The following CACNA1I variants were observed in gnomAD, a reference collection of about 807,000 sequenced individuals.
CACNA1I encodes the protein voltage-dependent T-type calcium channel subunit alpha-1I.
Under a neutral mutation model 201.6 loss-of-function variants are expected in CACNA1I, and 74 were observed. The ratio of observed to expected loss-of-function variants is 0.37; its 90% confidence interval spans 0.30 to 0.45. The LOEUF (loss-of-function observed/expected upper bound fraction) is 0.45, where lower values mean the gene tolerates loss of function less well. CACNA1I is among the 20% of genes least tolerant of loss of function. CACNA1I has a pLI of 1.00. For missense variants in CACNA1I, 2,346 were observed against 3,138.1 expected, an observed-to-expected ratio of 0.75 and a Z score of 6.03; for synonymous variants, 1,431 against 1,345.2, an observed-to-expected ratio of 1.06 and a Z score of -1.40.
At position 39,670,005 on chromosome 22, in the gene CACNA1I, C is replaced by T. The variant is rs754153883; in HGVS notation, c.4195-33C>T. On this transcript the variant is annotated intron_variant, in intron 24 of 36. Coordinates refer to ENST00000402142, the MANE Select transcript of CACNA1I (RefSeq NM_021096.4). ...TCCCCATGGCCCTGTAGGGCCCAATCAGCCTCCTCAGCCCTTTCTGACTCC... is the reference window on the plus strand; with the variant it reads ...TCCCCATGGCCCTGTAGGGCCCAATTAGCCTCCTCAGCCCTTTCTGACTCC... 3 of 1,611,024 alleles carry T rather than the reference C, an allele frequency of 1.9e-6. No individual in the cohort carries two copies. In the African/African-American group the frequency reaches 4.0e-5, roughly 22 times the overall value.
rs574404679 is a variant in CACNA1I, at chr22:39,663,760, C to T, written c.3516C>T (p.Phe1172=). 9.2e-5 allele frequency: 143 copies of T among 1,548,210 alleles called. No individual in the cohort carries two copies. In the East Asian group the frequency reaches 2.7e-3, roughly 30 times the overall value. ...AGACCATTATTGCCCACAAACTCTTCGACTACGTCGTCCTGGCCTTCATCT... is the reference window on the plus strand; with the variant it reads ...AGACCATTATTGCCCACAAACTCTTTGACTACGTCGTCCTGGCCTTCATCT... ...LCQTIIAHKL[F]DYVVLAFIFL... Residue 1172 remains phenylalanine, a synonymous_variant, in exon 19 of 37, where the codon TTC becomes TTT. Transcript: ENST00000402142.
rs771894093 is a variant in CACNA1I, at chr22:39,598,223, C to A, written c.309C>A (p.Asp103Glu). 4.2e-5 allele frequency: 68 copies of A among 1,607,508 alleles called. No individual in the cohort carries two copies. Among genetic ancestry groups the A allele is most frequent in the Non-Finnish European group, 5.5e-5 (65 of 1,177,514 alleles). Residue 103 changes from aspartate to glutamate, a missense_variant, in exon 2 of 37, where the codon GAC becomes GAA. By Grantham distance (45) the Asp-to-Glu change is conservative. Transcript: ENST00000402142. ...CVTLGMYQPC[D>E]DMDCLSDRCK... is the part of the protein sequence containing the mutation. Reference sequence around the variant, plus strand: ...CACTTGGCATGTACCAGCCGTGCGACGACATGGACTGCCTGTCCGACCGCT... The same window carrying A: ...CACTTGGCATGTACCAGCCGTGCGAAGACATGGACTGCCTGTCCGACCGCT...
At position 39,663,715 on chromosome 22, in the gene CACNA1I, CAG is replaced by C; in HGVS notation, c.3474-2_3474-1del. 1.9e-6 allele frequency: 3 copies of C among 1,591,622 alleles called. No homozygotes were observed. Among genetic ancestry groups the C allele is most frequent in the Non-Finnish European group, 1.7e-6 (2 of 1,159,924 alleles). On this transcript the variant is annotated splice_acceptor_variant, in intron 18 of 36. Transcript: ENST00000402142. LOFTEE classifies it high-confidence loss of function. ...TCAGGCAGCCCCCGCCCACCCTGCC[CAG>C]GTTCCGGGTCCTGTGTCAGACCATT...
At chr22:39,663,113 C>T (rs958913890) in intron 18 of CACNA1I, among the ~76,000 whole-genome samples, 3 of 152,176 alleles carry the variant, frequency 2.0e-5, no homozygotes, top group South Asian at 4.1e-4. Context: ...GCCTTGGCTT[C>T]CAAGATCCCT....
At chr22:39,672,485 T>C (rs1424404648) in intron 27 of CACNA1I, among the ~76,000 whole-genome samples, 177 bp downstream of exon 27, 1 of 152,160 alleles carries the variant, frequency 6.6e-6, no homozygotes, top group African/African-American at 2.4e-5. Flanking sequence ...AATTATGGTA[T>C]CATCTGATGG....
At chr22:39,650,037 T>G in intron 10 of CACNA1I, 112 bp downstream of exon 10, 11 of 1,178,064 alleles carry the variant, frequency 9.3e-6, no homozygotes, top group Admixed American at 8.3e-5. Context: ...TCTGTCCACC[T>G]AGAAGTGCCG....
intron 10 of CACNA1I, 138 bp from the exon 11 acceptor site, chr22:39,658,014 A>G (rs1934880012): frequency 1.2e-6 from 1 of 838,748 alleles, no homozygotes; most frequent in Non-Finnish European, 1.9e-6. Flanking sequence ...GGCCTTGTGC[A>G]TGGGGCAGTG....
Position 39,642,803 on chromosome 22 carries a change from A to C in CACNA1I, c.1063A>C (p.Thr355Pro). The C allele has an allele frequency of 1.2e-6, 2 of 1,609,020 alleles. No individual in the cohort carries two copies. Among genetic ancestry groups the C allele is most frequent in the Non-Finnish European group, 1.7e-6 (2 of 1,177,440 alleles). Residue 355 changes from threonine (T) to proline (P), a missense_variant, in exon 7 of 37, where the codon ACT becomes CCT. By Grantham distance (38) the Thr-to-Pro change is conservative (BLOSUM62 -1). This residue lies in a region of CACNA1I where 227 missense variants were observed against 412.5 expected (regional missense o/e 0.55). Coordinates refer to ENST00000402142, the MANE Select transcript of CACNA1I (RefSeq NM_021096.4). ...YAWIVIFQVI[T>P]LEGWVEIMYY... Reference sequence around the variant, plus strand: ...TCTCCTCTGCGCGCTGCAGGTGATCACTCTGGAAGGCTGGGTGGAGATCAT... The same window carrying C: ...TCTCCTCTGCGCGCTGCAGGTGATCCCTCTGGAAGGCTGGGTGGAGATCAT...
chr22:39,645,521 G>A lies in CACNA1I; in HGVS notation c.1150-1048G>A, dbSNP rs897341938. Among the ~76,000 whole-genome samples the A allele has an allele frequency of 3.9e-5, 6 of 152,308 alleles. No homozygotes were observed. In the East Asian group the frequency reaches 9.7e-4, roughly 25 times the overall value. On this transcript the variant is annotated intron_variant, in intron 7 of 36. Transcript: ENST00000402142. ...CAGGGAGGCTCCCCAGGAAATGCTT[G>A]TGGACAAGGTGACTGAGACAAGGAT...
chr22:39,624,740 G>A (rs1439947836), intron 4 of CACNA1I, among the ~76,000 whole-genome samples: 1 of 152,200 alleles, frequency 6.6e-6, no homozygotes, highest in Non-Finnish European at 1.5e-5. Context: ...GAGCCACCAG[G>A]GGATTAGTGA....
chr22:39,644,338 G>A (rs370998421), intron 7 of CACNA1I, among the ~76,000 whole-genome samples: 12 of 152,238 alleles, frequency 7.9e-5, no homozygotes, highest in African/African-American at 2.9e-4. Flanking sequence ...ATGGGGGACA[G>A]TGACAGCACC....
chr22:39,642,982 C>A, intron 7 of CACNA1I, 93 bp downstream of exon 7: 1 of 779,212 alleles, frequency 1.3e-6, no homozygotes. Context: ...CCCTAGGGAG[C>A]CCCTCAGAGC....
intron 3 of CACNA1I, among the ~76,000 whole-genome samples, chr22:39,612,309 T>C (rs900383578): frequency 1.3e-5 from 2 of 152,166 alleles, no homozygotes; most frequent in African/African-American, 4.8e-5. Context: ...GTAAACCAAA[T>C]TAATTTCTTT....
intron 10 of CACNA1I, 31 bp from the exon 11 acceptor site, chr22:39,658,121 G>T (rs773890140): frequency 6.2e-7 from 1 of 1,611,258 alleles, no homozygotes; most frequent in Non-Finnish European, 8.5e-7. Flanking sequence ...GGCCTGACCG[G>T]GTCTCCATTC....
intron 5 of CACNA1I, among the ~76,000 whole-genome samples, chr22:39,636,206 TCTC>T (rs1339184533): frequency 6.6e-6 from 1 of 152,134 alleles, no homozygotes; most frequent in East Asian, 1.9e-4. Flanking sequence ...TTCCCTGATG[TCTC>T]CTCCTCTGTG....
rs546279999 is a variant in CACNA1I, at chr22:39,627,385, G to C, written c.581-7180G>C. Among the ~76,000 whole-genome samples the C allele has an allele frequency of 2.0e-5, 3 of 152,342 alleles. No individual in the cohort carries two copies. The East Asian group carries it at 5.8e-4, about 29-fold the overall frequency. On this transcript the variant is annotated intron_variant, in intron 4 of 36. Transcript: ENST00000402142. ...GAGGAGGGAGAGCATCAGCCGCACA[G>C]TCTGCAGGATCCTGTGCAGACGCCC...
intron 15 of CACNA1I, 58 bp downstream of exon 15, chr22:39,660,495 T>G: frequency 7.9e-7 from 1 of 1,259,102 alleles, no homozygotes; most frequent in East Asian, 2.4e-5. Flanking sequence ...CAGATCCAGG[T>G]GGGCAGAGGG....
chr22:39,593,293 G>A (rs542375264), intron 1 of CACNA1I, among the ~76,000 whole-genome samples: 21 of 152,202 alleles, frequency 1.4e-4, no homozygotes, highest in Admixed American at 2.6e-4. Context: ...CCATCCCCAG[G>A]GGATTGTGAG....
chr22:39,615,355 C>T (rs1569062767), intron 3 of CACNA1I, among the ~76,000 whole-genome samples: 1 of 152,096 alleles, frequency 6.6e-6, no homozygotes, highest in Non-Finnish European at 1.5e-5. Context: ...AGTGACACAG[C>T]TAGGTCTGAG....
Sources: allele counts gnomAD v4.1 joint callset (sites outside exome capture counted in the v4.1 genomes callset), GRCh38; gene constraint gnomAD v4.1.1; regional missense constraint gnomAD v4.1.1; transcripts MANE v1.5; gene names NCBI Gene and HGNC (gene_info 2026-07-23, HGNC 2026-07-21).